KLHL41: variants seen among roughly 807,000 people sequenced by gnomAD.
The protein encoded by KLHL41 is kelch like family member 41, also known as kelch-like protein 41.
A neutral mutation model predicts 49.2 loss-of-function variants in KLHL41; 31 were observed. The observed-to-expected ratio is 0.63, with a 90% CI of 0.47 to 0.85. The LOEUF (loss-of-function observed/expected upper bound fraction) is 0.85, where lower values mean the gene tolerates loss of function less well. Ranked by LOEUF, KLHL41 falls within the 40% of genes least tolerant of loss-of-function variation. The pLI is 0.00. For synonymous variants in KLHL41, 218 were observed against 258.5 expected (o/e 0.84, Z 1.50); for missense variants, 663 against 726.7 (o/e 0.91, Z 1.01).
Position 169,509,890 on chromosome 2 carries a change from A to G in KLHL41, c.112A>G (p.Lys38Glu). The G allele has an allele frequency of 6.2e-7, 1 of 1,614,176 alleles. No individual in the cohort carries two copies. Among genetic ancestry groups the G allele is most frequent in the Non-Finnish European group, 8.5e-7 (1 of 1,180,030 alleles). ...GAAAAAATTCATCGATTGCACCCTA[A>G]AAGCAGGTGACAAAAGTCTTCCTTG... Reference protein sequence around the residue: ...DEKKFIDCTLKAGDKSLPCHR... With the variant: ...DEKKFIDCTLEAGDKSLPCHR... Residue 38 changes from lysine to glutamate, a missense_variant, in exon 1 of 6, where the codon AAA becomes GAA. Lys to Glu is a moderately conservative substitution (Grantham distance 56). This residue lies in a region of KLHL41 where 129 missense variants were observed against 122.1 expected (regional missense o/e 1.06). Coordinates refer to ENST00000284669, the MANE Select transcript of KLHL41 (RefSeq NM_006063.3).
At chr2:169,518,058 A>G in intron 3 of KLHL41, 132 bp from the exon 4 acceptor site, 1 of 636,096 alleles carries the variant, frequency 1.6e-6, no homozygotes, top group African/African-American at 1.8e-5. Flanking sequence ...TTAGTGGCAT[A>G]TGTTCAAATT....
At position 169,525,024 on chromosome 2, in the gene KLHL41, G is replaced by A. The variant is rs139608973; in HGVS notation, c.1710-561G>A. Reference sequence around the variant, plus strand: ...AAGTTATCTGTATCTTTATAACCTTGAATATTCAGAGATGAAGACCAGTTC... The same window carrying A: ...AAGTTATCTGTATCTTTATAACCTTAAATATTCAGAGATGAAGACCAGTTC... On this transcript the variant is annotated intron_variant, in intron 5 of 5. Transcript: ENST00000284669. 1.2e-3 allele frequency among the ~76,000 whole-genome samples: 177 copies of A among 152,208 alleles called. 2 individuals are homozygous for A. The highest frequency in any genetic ancestry group is 2.3e-3 in the Admixed American group (35 of 15,298).
rs779110067 is a variant in KLHL41, at chr2:169,509,751, C to T, written c.-28C>T. On this transcript the variant is annotated 5_prime_UTR_variant, in exon 1 of 6. Transcript: ENST00000284669. ...TGCAAGGAGCTAAGGCCTTCAGTGT[C>T]CCCTTCCTTACCCAGGTTTCTCACA... is the stretch of plus-strand genomic sequence containing the variant. 1.4e-5 allele frequency: 23 copies of T among 1,590,014 alleles called. No individual in the cohort carries two copies. The Middle Eastern group carries it at 2.8e-3, about 190-fold the overall frequency.
At chr2:169,521,386 T>C (rs996088457) in intron 5 of KLHL41, among the ~76,000 whole-genome samples, 1 of 152,172 alleles carries the variant, frequency 6.6e-6, no homozygotes, top group African/African-American at 2.4e-5. Flanking sequence ...AAAAATTTTA[T>C]GTTTTTTACT....
At chr2:169,512,480 T>C (rs1456109609) in intron 1 of KLHL41, among the ~76,000 whole-genome samples, 3 of 152,208 alleles carry the variant, frequency 2.0e-5, no homozygotes, top group Non-Finnish European at 4.4e-5. Context: ...ATTTAATTTA[T>C]TGAATATATC....
intron 3 of KLHL41, among the ~76,000 whole-genome samples, chr2:169,515,575 T>G (rs1269593601): frequency 6.6e-6 from 1 of 152,188 alleles, no homozygotes; most frequent in Non-Finnish European, 1.5e-5. Context: ...TTAAAACCAA[T>G]GGGTTTTCTT....
intron 1 of KLHL41, among the ~76,000 whole-genome samples, chr2:169,513,659 C>T (rs971202875): frequency 6.6e-6 from 1 of 152,162 alleles, no homozygotes; most frequent in Non-Finnish European, 1.5e-5. Context: ...TCTTAGTATC[C>T]AGTGAAACTG....
Position 169,514,676 on chromosome 2 carries a change from G to A in KLHL41, c.1213G>A (p.Gly405Ser). 1 of 1,614,006 alleles carries A rather than the reference G, an allele frequency of 6.2e-7. No individual in the cohort carries two copies. The highest frequency in any genetic ancestry group is 8.5e-7 in the Non-Finnish European group (1 of 1,179,956). ...EVDDKIYVVAGKDLQTEASLD... is the reference protein window; with the variant it reads ...EVDDKIYVVASKDLQTEASLD... Reference sequence around the variant, plus strand: ...GGATGATAAAATCTATGTAGTTGCAGGCAAAGACCTTCAAACAGAGGCTTC... The same window carrying A: ...GGATGATAAAATCTATGTAGTTGCAAGCAAAGACCTTCAAACAGAGGCTTC... The change falls in exon 2 of 6, where the codon GGC (glycine) becomes AGC (serine). Residue 405 changes from glycine (G) to serine (S), a missense_variant. Physicochemically the swap from Gly to Ser is moderately conservative, Grantham distance 56. Coordinates refer to ENST00000284669, the MANE Select transcript of KLHL41 (RefSeq NM_006063.3).
chr2:169,517,433 T>C (rs1332287259), intron 3 of KLHL41, among the ~76,000 whole-genome samples: 1 of 152,160 alleles, frequency 6.6e-6, no homozygotes, highest in African/African-American at 2.4e-5. Context: ...CGAAACCCTG[T>C]CTCTACCAAG....
At chr2:169,517,294 T>A (rs1329323349) in intron 3 of KLHL41, among the ~76,000 whole-genome samples, 1 of 152,096 alleles carries the variant, frequency 6.6e-6, no homozygotes, top group Non-Finnish European at 1.5e-5. Flanking sequence ...ATAGATAACT[T>A]CAAGGAACCA....
intron 5 of KLHL41, 75 bp downstream of exon 5, chr2:169,521,082 A>G: frequency 2.1e-6 from 3 of 1,410,948 alleles, no homozygotes; most frequent in South Asian, 2.5e-5. Context: ...GTAGTAAACA[A>G]TAAGCCAGAT....
At position 169,510,344 on chromosome 2, in the gene KLHL41, A is replaced by G; in HGVS notation, c.566A>G (p.Asn189Ser). The change falls in exon 1 of 6, where the codon AAT (asparagine) becomes AGT (serine). Residue 189 changes from asparagine (N) to serine (S), a missense_variant. Asn to Ser is a conservative substitution (Grantham distance 46, BLOSUM62 1). Transcript: ENST00000284669. The surrounding 1 kb of genome is among the most constrained non-coding windows in gnomAD (Gnocchi z 4.2). ...TCAGTCATTTCAAATGACAGCCTAA[A>G]TGTAGAAAAAGAAGAAGCAGTATTT... Reference protein sequence around the residue: ...LISVISNDSLNVEKEEAVFEA... With the variant: ...LISVISNDSLSVEKEEAVFEA... The G allele has an allele frequency of 6.2e-7, 1 of 1,614,180 alleles. No individual in the cohort carries two copies. Among genetic ancestry groups the G allele is most frequent in the Non-Finnish European group, 8.5e-7 (1 of 1,180,036 alleles).
Position 169,509,809 on chromosome 2 carries a change from C to T in KLHL41, c.31C>T (p.Leu11=). ...TTCCCAGCGGGAACTTGCAGAGGAA[C>T]TGCGGCTTTACCAATCCACCCTTCT... MDSQRELAEE[L]RLYQSTLLQD... The change falls in exon 1 of 6, where the codon CTG becomes TTG. Residue 11 remains leucine (L), a synonymous_variant. Transcript: ENST00000284669. 6.2e-7 allele frequency: 1 copy of T among 1,612,868 alleles called. No homozygotes were observed. The highest frequency in any genetic ancestry group is 8.5e-7 in the Non-Finnish European group (1 of 1,179,808).
Position 169,514,627 on chromosome 2 carries a change from G to T in KLHL41, c.1164G>T (p.Arg388Ser). Residue 388 changes from arginine to serine, a missense_variant, in exon 2 of 6, where the codon AGG (arginine) becomes AGT (serine). Physicochemically the swap from Arg to Ser is moderately radical, Grantham distance 110. Transcript: ENST00000284669. Reference sequence around the variant, plus strand: ...GACTTCCACCTCTGCCTTCAGCCAGGTGTCTCTTCGGTCTGGGAGAGGTGG... The same window carrying T: ...GACTTCCACCTCTGCCTTCAGCCAGTTGTCTCTTCGGTCTGGGAGAGGTGG... ...WVGLPPLPSA[R>S]CLFGLGEVDD... 4.3e-6 allele frequency: 7 copies of T among 1,613,900 alleles called. No individual in the cohort carries two copies. The highest frequency in any genetic ancestry group is 5.9e-6 in the Non-Finnish European group (7 of 1,179,886).
chr2:169,512,013 T>C (rs951610271), intron 1 of KLHL41, among the ~76,000 whole-genome samples: 1 of 152,202 alleles, frequency 6.6e-6, no homozygotes, highest in Non-Finnish European at 1.5e-5. Flanking sequence ...TAATCATGGC[T>C]GGGGCTTATG....
At chr2:169,511,440 C>T (rs1684028484) in intron 1 of KLHL41, among the ~76,000 whole-genome samples, 1 of 152,104 alleles carries the variant, frequency 6.6e-6, no homozygotes, top group Non-Finnish European at 1.5e-5. Flanking sequence ...AAGTTCTTAT[C>T]CATTATAAAG....
Position 169,514,581 on chromosome 2 carries a change from G to T in KLHL41, c.1118G>T (p.Ser373Ile), listed in dbSNP as rs1398882490. 6.2e-7 allele frequency: 1 copy of T among 1,611,632 alleles called. No homozygotes were observed. ...CATATATGTTTTTTTCAGCTCGATA[G>T]CATAGCATCTGAATGGGTTGGACTT... Reference protein sequence around the residue: ...PLQSYFFQLDSIASEWVGLPP... With the variant: ...PLQSYFFQLDIIASEWVGLPP... The change falls in exon 2 of 6, where the codon AGC becomes ATC. Residue 373 changes from serine to isoleucine, a missense_variant. Ser to Ile is a moderately radical substitution (Grantham distance 142). This residue lies in a region of KLHL41 where 528 missense variants were observed against 581.0 expected (regional missense o/e 0.91). Transcript: ENST00000284669.
chr2:169,525,617 T>A lies in KLHL41; in HGVS notation c.1742T>A (p.Met581Lys). 1 of 1,613,262 alleles carries A rather than the reference T, an allele frequency of 6.2e-7. No homozygotes were observed. Among genetic ancestry groups the A allele is most frequent in the Non-Finnish European group, 8.5e-7 (1 of 1,179,222 alleles). ...YEDDKKEWAGMLKEIRYASGA... is the reference protein window; with the variant it reads ...YEDDKKEWAGKLKEIRYASGA... ...GATGATAAAAAAGAATGGGCTGGGA[T>A]GTTGAAGGAAATACGTTATGCTTCA... is the stretch of plus-strand genomic sequence containing the variant. The change falls in exon 6 of 6, where the codon ATG becomes AAG. Residue 581 changes from methionine to lysine, a missense_variant. By Grantham distance (95) the Met-to-Lys change is moderately conservative. This residue lies in a region of KLHL41 where 528 missense variants were observed against 581.0 expected (regional missense o/e 0.91). Transcript: ENST00000284669.
At chr2:169,514,544 T>C (rs768341012) in intron 1 of KLHL41, 30 bp from the exon 2 acceptor site, 2 of 1,584,936 alleles carry the variant, frequency 1.3e-6, no homozygotes, top group Admixed American at 1.9e-5. Flanking sequence ...TCTAACAGGC[T>C]CCACAATCTC....
Sources: allele counts gnomAD v4.1 joint callset (sites outside exome capture counted in the v4.1 genomes callset), GRCh38; gene constraint gnomAD v4.1.1; regional missense constraint gnomAD v4.1.1; non-coding constraint Gnocchi (gnomAD v3.1); transcripts MANE v1.5; gene names NCBI Gene and HGNC (gene_info 2026-07-23, HGNC 2026-07-21).